BAZ2B: variants seen among roughly 807,000 people sequenced by gnomAD.
The protein encoded by BAZ2B is bromodomain adjacent to zinc finger domain protein 2B.
Under a neutral mutation model 246.0 loss-of-function variants are expected in BAZ2B, and 91 were observed. The observed-to-expected ratio is 0.37, with a 90% CI of 0.31 to 0.44. The LOEUF (loss-of-function observed/expected upper bound fraction) is 0.44. BAZ2B is among the 20% of genes least tolerant of loss of function. The pLI is 1.00. For missense variants in BAZ2B, 2,332 were observed against 2,533.7 expected (o/e 0.92, Z 1.71); for synonymous variants, 855 against 860.0 (o/e 0.99, Z 0.10).
chr2:159,687,082 T>C, the BAZ2B span, among the ~76,000 whole-genome samples: 1 of 150,838 alleles, frequency 6.6e-6, no homozygotes, highest in East Asian at 1.9e-4. Flanking sequence ...TTGAAAATAT[T>C]AACACTAGAG....
chr2:159,711,733 TC>T, the BAZ2B span, among the ~76,000 whole-genome samples: 1 of 152,232 alleles, frequency 6.6e-6, no homozygotes, highest in Admixed American at 6.5e-5. Context: ...CTCATTTACA[TC>T]TTAGTTTGCC....
chr2:159,589,406 A>G (rs1688779133), intron 1 of BAZ2B, among the ~76,000 whole-genome samples: 1 of 152,210 alleles, frequency 6.6e-6, no homozygotes, highest in Admixed American at 6.5e-5. Context: ...ACTAGTTAAC[A>G]GAATCACAAG....
At chr2:159,329,640 C>T (rs1313662585) in intron 34 of BAZ2B, among the ~76,000 whole-genome samples, 1 of 152,124 alleles carries the variant, frequency 6.6e-6, no homozygotes, top group African/African-American at 2.4e-5. Context: ...TTTTAAATAA[C>T]TATGAATTAA....
At chr2:159,513,660 G>A (rs1184591811) in intron 2 of BAZ2B, among the ~76,000 whole-genome samples, 5 of 152,024 alleles carry the variant, frequency 3.3e-5, no homozygotes, top group Admixed American at 3.3e-4. Flanking sequence ...AAATCTTTTT[G>A]GTTGTACCTC....
chr2:159,321,355 A>G (rs561680268), intron 36 of BAZ2B, among the ~76,000 whole-genome samples: 3 of 152,338 alleles, frequency 2.0e-5, no homozygotes, highest in South Asian at 2.1e-4. Flanking sequence ...AGGTTCCTCA[A>G]AAAAACTAAA....
At chr2:159,359,045 G>T (rs934526571) in intron 27 of BAZ2B, among the ~76,000 whole-genome samples, 2 of 152,112 alleles carry the variant, frequency 1.3e-5, no homozygotes, top group African/African-American at 2.4e-5. Flanking sequence ...ACAATTAAAA[G>T]AACTGAGAGG....
intron 1 of BAZ2B, among the ~76,000 whole-genome samples, chr2:159,569,943 C>CA (rs1237679627): frequency 3.3e-5 from 5 of 151,798 alleles, no homozygotes; most frequent in East Asian, 1.9e-4. Context: ...GATTAAAATA[C>CA]AAAAAAAATC....
intron 1 of BAZ2B, among the ~76,000 whole-genome samples, chr2:159,561,650 A>G (rs941777457): frequency 6.6e-6 from 1 of 152,226 alleles, no homozygotes; most frequent in African/African-American, 2.4e-5. Flanking sequence ...TATGGCTACC[A>G]TATCAGATGC....
intron 22 of BAZ2B, among the ~76,000 whole-genome samples, chr2:159,386,086 C>T (rs978247268): frequency 1.3e-5 from 2 of 152,096 alleles, no homozygotes; most frequent in African/African-American, 4.8e-5. Context: ...TGATGAATAT[C>T]GCTTAAGGAT....
chr2:159,659,687 G>A, the BAZ2B span, among the ~76,000 whole-genome samples: 2 of 152,234 alleles, frequency 1.3e-5, no homozygotes, highest in African/African-American at 2.4e-5. Flanking sequence ...AGGGGTATAG[G>A]AACAGCTCCA....
rs1403928500 is a variant in BAZ2B at position 159,324,832 on chromosome 2, C to T, written c.6332G>A (p.Arg2111Lys). The T allele has an allele frequency of 1.3e-6, 2 of 1,506,388 alleles. No homozygotes were observed. The allele number at this position is 1,506,388 out of a possible 1,614,324, so 93.3% of individuals were successfully genotyped here. Residue 2111 changes from arginine to lysine, a missense_variant, in exon 36 of 37, where the codon AGA becomes AAA. Physicochemically the swap from Arg to Lys is conservative, Grantham distance 26. This residue lies in a region of BAZ2B where 210 missense variants were observed against 232.5 expected (regional missense o/e 0.90). Coordinates refer to ENST00000392783, the MANE Select transcript of BAZ2B (RefSeq NM_013450.4). ...TTACTGTCCACTACTTAGTTTCTCT[C>T]TAATTGTGGAAAAATCCATAGGCTT... is the stretch of plus-strand genomic sequence containing the variant. ...IKKPMDFSTI[R>K]EKLSSGQYPN...
the BAZ2B span, among the ~76,000 whole-genome samples, chr2:159,627,160 A>G: frequency 6.6e-6 from 1 of 152,204 alleles, no homozygotes; most frequent in Non-Finnish European, 1.5e-5. Context: ...AAGTTTTGAA[A>G]TTGAGACAGT....
At chr2:159,404,374 T>G (rs915652757) in intron 16 of BAZ2B, 1 of 150,750 alleles carries the variant, frequency 6.6e-6, no homozygotes, top group African/African-American at 2.4e-5. Context: ...TGTCATCATT[T>G]TTTTTTTTTT....
At chr2:159,564,374 G>A (rs1246398165) in intron 1 of BAZ2B, among the ~76,000 whole-genome samples, 1 of 152,118 alleles carries the variant, frequency 6.6e-6, no homozygotes, top group Non-Finnish European at 1.5e-5. Flanking sequence ...CATATGGGAT[G>A]TTATGACTAA....
intron 1 of BAZ2B, among the ~76,000 whole-genome samples, chr2:159,601,370 G>C (rs1692085720): frequency 1.3e-5 from 2 of 151,646 alleles, no homozygotes; most frequent in Admixed American, 1.3e-4. Flanking sequence ...GCTGCAGTGA[G>C]CCTAGATTGT....
intron 1 of BAZ2B, among the ~76,000 whole-genome samples, chr2:159,562,480 A>G (rs1483850967): frequency 1.3e-5 from 2 of 152,180 alleles, no homozygotes; most frequent in Non-Finnish European, 2.9e-5. Flanking sequence ...TTCCCTCTTA[A>G]GTTTCCATTT....
At chr2:159,436,296 C>T (rs1019813505) in intron 8 of BAZ2B, among the ~76,000 whole-genome samples, 1 of 152,094 alleles carries the variant, frequency 6.6e-6, no homozygotes, top group Non-Finnish European at 1.5e-5. Flanking sequence ...TATATTGACA[C>T]CAATAAGTTT....
At chr2:159,431,507 G>C (rs771618546) in intron 9 of BAZ2B, among the ~76,000 whole-genome samples, 1 of 152,118 alleles carries the variant, frequency 6.6e-6, no homozygotes, top group Non-Finnish European at 1.5e-5. Context: ...AGATTCCAAT[G>C]GCTTATGAAG....
chr2:159,405,279 G>A (rs1043176630), intron 14 of BAZ2B, among the ~76,000 whole-genome samples, 165 bp from the exon 15 acceptor site: 4 of 151,878 alleles, frequency 2.6e-5, no homozygotes, highest in Admixed American at 6.6e-5. Context: ...TGGTGCGATC[G>A]CGGCTCACTG....
Sources: gnomAD v4.1 joint callset for allele counts (sites outside exome capture counted in the v4.1 genomes callset) on GRCh38, gnomAD v4.1.1 for gene constraint, gnomAD v4.1.1 regional missense constraint, MANE v1.5 for transcripts, NCBI Gene and HGNC (gene_info 2026-07-23, HGNC 2026-07-21) for gene names.